Variants in NOVA1 observed in about 807,000 individuals in gnomAD.
NOVA1 encodes NOVA alternative splicing regulator 1, also known as RNA-binding protein Nova-1.
Under a neutral mutation model 38.0 loss-of-function variants are expected in NOVA1, and 7 were observed. That is an observed-to-expected ratio of 0.18 (90% CI 0.10 to 0.35). The LOEUF (loss-of-function observed/expected upper bound fraction) is 0.35, where lower values mean the gene tolerates loss of function less well. Among genes scored for constraint, NOVA1 ranks in the 10% least tolerant of loss-of-function variants. The pLI is 1.00. For missense variants in NOVA1, 460 were observed against 616.0 expected, an observed-to-expected ratio of 0.75 and a Z score of 2.68; for synonymous variants, 270 against 232.5, an observed-to-expected ratio of 1.16 and a Z score of -1.47.
chr14:26,469,133 G>A (rs1884390832), intron 4 of NOVA1, among the ~76,000 whole-genome samples: 1 of 152,178 alleles, frequency 6.6e-6, no homozygotes, highest in Non-Finnish European at 1.5e-5. Flanking sequence ...AACTCCACGT[G>A]TAGAAGAATA....
chr14:26,557,781 A>C (rs1388588298), intron 2 of NOVA1, among the ~76,000 whole-genome samples: 1 of 152,138 alleles, frequency 6.6e-6, no homozygotes, highest in Admixed American at 6.6e-5. Context: ...AAATTAATTA[A>C]AAACATATGC....
chr14:26,547,957 C>T lies in NOVA1; in HGVS notation c.280+47453G>A, dbSNP rs368182051. The stretch of plus-strand genomic sequence containing the variant: ...TTGGTAACCTTTAAGTAAATTTCCA[C>T]TCAGTGTAAGTAAAGCCTTTTATTC... On this transcript the variant is annotated intron_variant, in intron 2 of 4. Coordinates refer to ENST00000539517, the MANE Select transcript of NOVA1 (RefSeq NM_002515.3). Among the ~76,000 whole-genome samples, 16 of 152,140 alleles carry T rather than the reference C, an allele frequency of 1.1e-4. No homozygotes were observed. The East Asian group carries it at 1.9e-3, about 18-fold the overall frequency.
intron 2 of NOVA1, among the ~76,000 whole-genome samples, chr14:26,543,340 G>C (rs1594503330): frequency 6.6e-6 from 1 of 151,970 alleles, no homozygotes; most frequent in Admixed American, 6.6e-5. Flanking sequence ...GTGTTCAGAA[G>C]AGATTCATTA....
In NOVA1 at chr14:26,573,562, G is replaced by A. The variant is rs543520464; in HGVS notation, c.280+21848C>T. ...AAGAATCTGAAAAAGATAAAGGGGG[G>A]CATGATAAATGATTCCTAAAAAGAA... On this transcript the variant is annotated intron_variant, in intron 2 of 4. Coordinates refer to ENST00000539517, the MANE Select transcript of NOVA1 (RefSeq NM_002515.3). Among the ~76,000 whole-genome samples the A allele has an allele frequency of 2.6e-5, 4 of 152,050 alleles. No homozygotes were observed. In the East Asian group the frequency reaches 5.8e-4, roughly 22 times the overall value.
chr14:26,540,179 C>A (rs1284989946), intron 2 of NOVA1, among the ~76,000 whole-genome samples: 2 of 152,186 alleles, frequency 1.3e-5, no homozygotes. Flanking sequence ...GGAGCCTGAC[C>A]ACACAAAGGA....
intron 2 of NOVA1, among the ~76,000 whole-genome samples, chr14:26,548,687 A>G (rs561240033): frequency 1.3e-5 from 2 of 152,176 alleles, no homozygotes; most frequent in South Asian, 4.1e-4. Flanking sequence ...CACTCTTATA[A>G]AAGTGCTTTT....
chr14:26,497,175 A>G (rs985412069), intron 2 of NOVA1, among the ~76,000 whole-genome samples: 3 of 152,178 alleles, frequency 2.0e-5, no homozygotes, highest in Non-Finnish European at 1.5e-5. Context: ...GAGCCAAATC[A>G]TGAGTGAACT....
chr14:26,559,335 T>A (rs895630864), intron 2 of NOVA1, among the ~76,000 whole-genome samples: 1 of 152,136 alleles, frequency 6.6e-6, no homozygotes, highest in African/African-American at 2.4e-5. Context: ...CGTCATCATT[T>A]ATTGAATACT....
intron 2 of NOVA1, among the ~76,000 whole-genome samples, chr14:26,556,320 TAAAG>T (rs1348723734): frequency 1.3e-5 from 2 of 151,836 alleles, no homozygotes; most frequent in African/African-American, 4.8e-5. Flanking sequence ...AGAACAGAAA[TAAAG>T]AAAGCCCAGA....
chr14:26,498,810 C>T (rs1297947783), intron 2 of NOVA1, among the ~76,000 whole-genome samples: 1 of 152,138 alleles, frequency 6.6e-6, no homozygotes, highest in African/African-American at 2.4e-5. Flanking sequence ...AAGGAATTAA[C>T]ATTTTGAAAA....
At chr14:26,518,368 CATT>C (rs957972414) in intron 2 of NOVA1, among the ~76,000 whole-genome samples, 2 of 151,820 alleles carry the variant, frequency 1.3e-5, no homozygotes, top group Non-Finnish European at 2.9e-5. Flanking sequence ...AAAGTATTGC[CATT>C]ATTATTATAA....
At chr14:26,550,989 C>T (rs1272753298) in intron 2 of NOVA1, among the ~76,000 whole-genome samples, 3 of 151,924 alleles carry the variant, frequency 2.0e-5, no homozygotes, top group African/African-American at 7.2e-5. Flanking sequence ...TTTTAAAAGA[C>T]ATAGACCAGA....
intron 2 of NOVA1, among the ~76,000 whole-genome samples, chr14:26,594,775 C>A (rs1044381044): frequency 1.5e-4 from 1 of 6,520 alleles, no homozygotes; most frequent in Non-Finnish European, 4.1e-3. Flanking sequence ...GGTTACTGTA[C>A]TACACTGTCA....
chr14:26,481,640 T>A (rs1885458226), intron 2 of NOVA1, among the ~76,000 whole-genome samples: 1 of 152,086 alleles, frequency 6.6e-6, no homozygotes, highest in South Asian at 2.1e-4. Flanking sequence ...ATGGCTTTCA[T>A]TTGTAAGGGT....
Position 26,448,271 on chromosome 14 carries a change from G to A in NOVA1, c.1212C>T (p.Pro404=), listed in dbSNP as rs200046551. 6.2e-7 allele frequency: 1 copy of A among 1,614,148 alleles called. No individual in the cohort carries two copies. The highest frequency in any genetic ancestry group is 1.7e-5 in the Admixed American group (1 of 60,000). The change falls in exon 5 of 5, where the codon CCC becomes CCT. Residue 404 remains proline, a synonymous_variant. Coordinates refer to ENST00000539517, the MANE Select transcript of NOVA1 (RefSeq NM_002515.3). This position sits in a 1 kb window ranked among gnomAD's most constrained non-coding sequence, Gnocchi z 5.3. ...TTCCTAGAATGGCACTGGCAGCTAGGGGAGAAGCAGCTCCAAAATATCCAT... is the reference window on the plus strand; with the variant it reads ...TTCCTAGAATGGCACTGGCAGCTAGAGGAGAAGCAGCTCCAAAATATCCAT... ...ATNGYFGAAS[P]LAASAILGTE...
intron 4 of NOVA1, among the ~76,000 whole-genome samples, chr14:26,450,470 AT>A (rs1259738978): frequency 6.6e-6 from 1 of 152,120 alleles, no homozygotes; most frequent in Admixed American, 6.6e-5. Context: ...TTTCATTACA[AT>A]TTATTAATAC....
chr14:26,544,691 T>C (rs1026765335), intron 2 of NOVA1, among the ~76,000 whole-genome samples: 1 of 151,228 alleles, frequency 6.6e-6, no homozygotes, highest in Non-Finnish European at 1.5e-5. Flanking sequence ...AATGAAAGAA[T>C]GAGAGAGAGA....
chr14:26,498,903 T>C (rs951330399), intron 2 of NOVA1, among the ~76,000 whole-genome samples: 2 of 152,272 alleles, frequency 1.3e-5, no homozygotes, highest in Non-Finnish European at 1.5e-5. Flanking sequence ...TGGGTGGAAT[T>C]GGAGAATATT....
chr14:26,597,827 G>A lies in NOVA1; in HGVS notation c.-391C>T, dbSNP rs1221635747. On this transcript the variant is annotated 5_prime_UTR_variant, in exon 1 of 5. Transcript: ENST00000539517. ...GGAGTGGGAGAGCGCGAGGGCTGGC[G>A]GGGCGCGGGGAGAAGCCGAGGAGGA... is the stretch of plus-strand genomic sequence containing the variant. 1 of 281,406 alleles carries A rather than the reference G, an allele frequency of 3.6e-6. No homozygotes were observed. The highest frequency in any genetic ancestry group is 5.4e-6 in the Non-Finnish European group (1 of 183,602). The allele number at this position is 281,406 out of a possible 1,614,324, so 17.4% of individuals were successfully genotyped here. A position where few individuals can be genotyped will look rare whatever the true frequency, so the allele number is the denominator to read the frequency against.
Sources: gnomAD v4.1 joint callset for allele counts (sites outside exome capture counted in the v4.1 genomes callset) on GRCh38, gnomAD v4.1.1 for gene constraint, Gnocchi (gnomAD v3.1) non-coding constraint, MANE v1.5 for transcripts, NCBI Gene and HGNC (gene_info 2026-07-23, HGNC 2026-07-21) for gene names.